Variants in OTOF observed in about 807,000 individuals in gnomAD.
OTOF encodes the protein fer-1-like family member 2.
In OTOF, 218 loss-of-function variants were observed where a neutral mutation model predicts 236.8. That is an observed-to-expected ratio of 0.92 (90% CI 0.82 to 1.03). The LOEUF (loss-of-function observed/expected upper bound fraction) is 1.03. OTOF is among the 50% of genes least tolerant of loss of function. OTOF has a pLI of 0.00. For synonymous variants in OTOF, 1,041 were observed against 1,072.5 expected (o/e 0.97, Z 0.57); for missense variants, 2,590 against 2,694.4 (o/e 0.96, Z 0.86).
intron 1 of OTOF, among the ~76,000 whole-genome samples, chr2:26,554,979 C>G (rs2148139830): frequency 1.3e-5 from 2 of 152,314 alleles, no homozygotes; most frequent in East Asian, 3.9e-4. Flanking sequence ...AGGGTTGGCC[C>G]TGGACTGTCT....
Position 26,483,555 on chromosome 2 carries a change from G to GTTCA in OTOF, c.1295_1298dup (p.Thr434GlufsTer15), listed in dbSNP as rs1182115727. On this transcript the variant is annotated frameshift_variant, in exon 13 of 47. Transcript: ENST00000272371. LOFTEE classifies it high-confidence loss of function. ...TCTTTACATTGGCCATGAGGCTTGT[G>GTTCA]TTCATACGGGGCAGCCCCTCTGCTC... The GTTCA allele has an allele frequency of 1.2e-6, 2 of 1,614,012 alleles. No individual in the cohort carries two copies. Among genetic ancestry groups the GTTCA allele is most frequent in the African/African-American group, 2.7e-5 (2 of 75,068 alleles).
intron 5 of OTOF, among the ~76,000 whole-genome samples, chr2:26,512,305 T>C (rs1045979793): frequency 4.8e-4 from 73 of 152,218 alleles, no homozygotes; most frequent in African/African-American, 1.8e-3. Context: ...TCTTTCTTTG[T>C]CCTCTCTAAG....
intron 1 of OTOF, among the ~76,000 whole-genome samples, chr2:26,540,926 G>A (rs1399801297): frequency 1.3e-5 from 2 of 152,216 alleles, no homozygotes; most frequent in Non-Finnish European, 2.9e-5. Flanking sequence ...AAGCCCCCGG[G>A]CAATCAAGGG....
At position 26,480,886 on chromosome 2, in the gene OTOF, C is replaced by T. The variant is rs397517934; in HGVS notation, c.1703G>A (p.Arg568Gln). The change falls in exon 15 of 47, where the codon CGG becomes CAG. Residue 568 changes from arginine (R) to glutamine (Q), a missense_variant. Transcript: ENST00000272371. ...GLGEGVSFRARLLLGLAVEIV... is the reference protein window; with the variant it reads ...GLGEGVSFRAQLLLGLAVEIV... ...CTCCACAGCCAGGCCCAGCAGGAGCCGGGCCCGGAAGGACACACCCTCCCC... is the reference window on the plus strand; with the variant it reads ...CTCCACAGCCAGGCCCAGCAGGAGCTGGGCCCGGAAGGACACACCCTCCCC... The T allele has an allele frequency of 3.8e-5, 61 of 1,612,848 alleles. 1 individual carries two copies. Among genetic ancestry groups the T allele is most frequent in the South Asian group, 1.9e-4 (17 of 91,090 alleles).
In OTOF at chr2:26,467,179, T is replaced by C; in HGVS notation, c.4282A>G (p.Thr1428Ala). Reference protein sequence around the residue: ...EFDNFEDWLHTFNLLRGKTGD... With the variant: ...EFDNFEDWLHAFNLLRGKTGD... ...GTCTTGCCCCGAAGCAAGTTGAAAGTGTGCAGCCAGTCCTCAAAGTTATCA... is the reference window on the plus strand; with the variant it reads ...GTCTTGCCCCGAAGCAAGTTGAAAGCGTGCAGCCAGTCCTCAAAGTTATCA... The change falls in exon 35 of 47, where the codon ACT (threonine) becomes GCT (alanine). Residue 1428 changes from threonine to alanine, a missense_variant. Physicochemically the swap from Thr to Ala is moderately conservative, Grantham distance 58 (BLOSUM62 0). Around this residue, in one of 2 missense-constraint regions of OTOF, gnomAD observed 1,211 missense variants for 1,352.8 expected, o/e 0.90. Transcript: ENST00000272371. 3 of 1,614,124 alleles carry C rather than the reference T, an allele frequency of 1.9e-6. No homozygotes were observed. The highest frequency in any genetic ancestry group is 1.7e-6 in the Non-Finnish European group (2 of 1,179,994).
At position 26,498,190 on chromosome 2, in the gene OTOF, T is replaced by C. The variant is rs993345239; in HGVS notation, c.766-3117A>G. On this transcript the variant is annotated intron_variant, in intron 8 of 46. Transcript: ENST00000272371. ...CCTCATACGTTTCTCCCTTCCTCCA[T>C]GTAGCAGAGCCAGTGAAGGTGACAA... Among the ~76,000 whole-genome samples, 5 of 152,134 alleles carry C rather than the reference T, an allele frequency of 3.3e-5. No individual in the cohort carries two copies. The South Asian group carries it at 6.2e-4, about 19-fold the overall frequency.
chr2:26,539,916 T>C (rs991878509), intron 1 of OTOF, among the ~76,000 whole-genome samples: 1 of 152,188 alleles, frequency 6.6e-6, no homozygotes, highest in Non-Finnish European at 1.5e-5. Flanking sequence ...GCTTGATTTT[T>C]GCAATTGAAA....
At chr2:26,481,452 C>T (rs1016291741) in intron 14 of OTOF, among the ~76,000 whole-genome samples, 4 of 152,228 alleles carry the variant, frequency 2.6e-5, no homozygotes, top group African/African-American at 9.6e-5. Context: ...TGCTTCCTCA[C>T]GAAGCCTTCC....
intron 1 of OTOF, among the ~76,000 whole-genome samples, chr2:26,553,478 A>G (rs749775955): frequency 5.9e-5 from 9 of 151,894 alleles, no homozygotes; most frequent in Non-Finnish European, 1.3e-4. Context: ...TCCTCTGAAC[A>G]TTGTTGCTAT....
intron 8 of OTOF, among the ~76,000 whole-genome samples, chr2:26,501,347 C>T (rs1052347422): frequency 1.3e-5 from 2 of 152,204 alleles, no homozygotes. Flanking sequence ...TCATTACTTC[C>T]AGCAATCAAA....
At chr2:26,493,616 G>C (rs371590205) in intron 9 of OTOF, among the ~76,000 whole-genome samples, 2 of 152,152 alleles carry the variant, frequency 1.3e-5, no homozygotes, top group African/African-American at 4.8e-5. Context: ...TCCAACCTGC[G>C]AATGCAACAA....
chr2:26,463,447 C>A (rs1242459821), intron 41 of OTOF, 36 bp downstream of exon 41: 8 of 1,514,046 alleles, frequency 5.3e-6, no homozygotes, highest in Non-Finnish European at 7.2e-6. Flanking sequence ...GTGGGGTGGG[C>A]CGGAAGGGAG....
chr2:26,469,336 C>G (rs1204038325), intron 32 of OTOF, among the ~76,000 whole-genome samples: 1 of 152,208 alleles, frequency 6.6e-6, no homozygotes, highest in East Asian at 1.9e-4. Flanking sequence ...CAACAGGCAG[C>G]CTCTTGCAGC....
intron 46 of OTOF, among the ~76,000 whole-genome samples, chr2:26,459,420 C>T (rs570756874): frequency 5.3e-5 from 8 of 152,044 alleles, no homozygotes; most frequent in Middle Eastern, 6.9e-3. Flanking sequence ...GGCGTGGTGG[C>T]GGGTGCCTGT....
chr2:26,463,670 C>T (rs1238068502), intron 40 of OTOF, 99 bp from the exon 41 acceptor site: 1 of 1,021,144 alleles, frequency 9.8e-7, no homozygotes, highest in Non-Finnish European at 1.5e-6. Flanking sequence ...GTCAAGGACC[C>T]AGTTCATCAG....
chr2:26,484,514 G>C lies in OTOF; in HGVS notation c.1165C>G (p.Pro389Ala). The C allele has an allele frequency of 6.2e-7, 1 of 1,614,038 alleles. No individual in the cohort carries two copies. The highest frequency in any genetic ancestry group is 8.5e-7 in the Non-Finnish European group (1 of 1,180,016). Residue 389 changes from proline to alanine, a missense_variant, in exon 12 of 47, where the codon CCC becomes GCC. Coordinates refer to ENST00000272371, the MANE Select transcript of OTOF (RefSeq NM_194248.3). ...TCGTCGGTCTCATTGGCCTTGTGGG[G>C]CGTCTTGATGTTGTCCCCTTTGCCC... ...VVGKGDNIKT[P>A]HKANETDEDD... is the part of the protein sequence containing the mutation.
chr2:26,462,550 A>T lies in OTOF; in HGVS notation c.5193-369T>A, dbSNP rs1385588885. Among the ~76,000 whole-genome samples, 2 of 152,348 alleles carry T rather than the reference A, an allele frequency of 1.3e-5. No individual in the cohort carries two copies. The highest frequency in any genetic ancestry group is 1.3e-4 in the Admixed American group (2 of 15,314). ...CAAGGTTTAATTGTAATTATGAATG[A>T]TGTAGTTCATTTCAATCATTAAGAG... is the stretch of plus-strand genomic sequence containing the variant. On this transcript the variant is annotated intron_variant, in intron 41 of 46. Coordinates refer to ENST00000272371, the MANE Select transcript of OTOF (RefSeq NM_194248.3). The surrounding 1 kb of genome is among the most constrained non-coding windows in gnomAD (Gnocchi z 4.7).
Position 26,519,088 on chromosome 2 carries a change from C to T in OTOF, c.249G>A (p.Met83Ile), listed in dbSNP as rs1230221744. The T allele has an allele frequency of 5.0e-6, 8 of 1,604,848 alleles. No homozygotes were observed. In the East Asian group the frequency reaches 1.3e-4, roughly 27 times the overall value. ...FSNKLIGTFRMVLQKVVEESH... is the reference protein window; with the variant it reads ...FSNKLIGTFRIVLQKVVEESH... ...TCTCCTCTACCACCTTCTGCAGCAC[C>T]ATGCGGAAGGTCCCGATGAGCCTGG... Residue 83 changes from methionine (M) to isoleucine (I), a missense_variant, in exon 4 of 47, where the codon ATG becomes ATA. Physicochemically the swap from Met to Ile is conservative, Grantham distance 10. Transcript: ENST00000272371.
chr2:26,474,204 A>G, intron 26 of OTOF, 94 bp from the exon 27 acceptor site: 1 of 1,548,218 alleles, frequency 6.5e-7, no homozygotes, highest in East Asian at 2.3e-5. Context: ...GGAGACAGGG[A>G]AACCCCCTAA....
Sources: allele counts gnomAD v4.1 joint callset (sites outside exome capture counted in the v4.1 genomes callset), GRCh38; gene constraint gnomAD v4.1.1; regional missense constraint gnomAD v4.1.1; non-coding constraint Gnocchi (gnomAD v3.1); transcripts MANE v1.5; gene names NCBI Gene and HGNC (gene_info 2026-07-23, HGNC 2026-07-21).